The following PCDH15 variants were observed in gnomAD, a reference collection of about 807,000 sequenced individuals.
PCDH15 encodes the protein protocadherin related 15, also known as protocadherin-15.
A neutral mutation model predicts 178.5 loss-of-function variants in PCDH15; 129 were observed. The observed-to-expected ratio is 0.72, with a 90% CI of 0.63 to 0.84. The LOEUF (loss-of-function observed/expected upper bound fraction) is 0.84, where lower values mean the gene tolerates loss of function less well. Among genes scored for constraint, PCDH15 ranks in the 40% least tolerant of loss-of-function variants. PCDH15 has a pLI of 0.00. For synonymous variants in PCDH15, 800 were observed against 732.0 expected (o/e 1.09, Z -1.50); for missense variants, 2,230 against 2,099.9 (o/e 1.06, Z -1.21).
At chr10:55,458,581 A>G (rs1839603852) in intron 2 of PCDH15, among the ~76,000 whole-genome samples, 1 of 152,044 alleles carries the variant, frequency 6.6e-6, no homozygotes, top group African/African-American at 2.4e-5. Flanking sequence ...AATAAATAAG[A>G]AACACCAGTG....
At position 54,020,324 on chromosome 10, in the gene PCDH15, T is replaced by C. The variant is rs150784450; in HGVS notation, c.2619A>G (p.Glu873=). The change falls in exon 20 of 38, where the codon GAA becomes GAG. Residue 873 remains glutamate, a synonymous_variant. Coordinates refer to ENST00000644397, the MANE Select transcript of PCDH15 (RefSeq NM_001384140.1). ...HFFALHPFTG[E]LSLLRSLDYE... ...AATCTAAACTCCTTAAAAGCGATAG[T>C]TCTCCTGTAAATGGATGTAGTGCAA... 1.6e-4 allele frequency: 253 copies of C among 1,613,844 alleles called. No homozygotes were observed. Among genetic ancestry groups the C allele is most frequent in the Non-Finnish European group, 2.0e-4 (241 of 1,179,794 alleles).
intron 3 of PCDH15, among the ~76,000 whole-genome samples, chr10:54,384,192 AG>A (rs1179042457): frequency 2.0e-5 from 3 of 152,052 alleles, no homozygotes; most frequent in Non-Finnish European, 4.4e-5. Context: ...AAGCCAAAAA[AG>A]CCCTGCTTGA....
rs184965921 is a variant in PCDH15, at chr10:54,610,109, G to A, written c.91+54063C>T. ...TGATTGTCACTAACTCTTCCTCTTA[G>A]GGGATGTGAATATAGCTGTTGAGCT... On this transcript the variant is annotated intron_variant, in intron 2 of 37. Transcript: ENST00000644397. Among the ~76,000 whole-genome samples, 6 of 151,984 alleles carry A rather than the reference G, an allele frequency of 3.9e-5. No individual in the cohort carries two copies. The East Asian group carries it at 1.2e-3, about 29-fold the overall frequency.
chr10:55,259,902 C>CAAAAAAAAAAAAAAAAA (rs749939571), intron 1 of PCDH15, among the ~76,000 whole-genome samples: 8 of 52,012 alleles, frequency 1.5e-4, no homozygotes, highest in Non-Finnish European at 2.5e-4. Context: ...AACTCCGTCT[C>CAAAAAAAAAAAAAAAAA]AAAAAAAAAA....
At chr10:54,361,983 T>G (rs1946120030) in intron 5 of PCDH15, among the ~76,000 whole-genome samples, 2 of 152,044 alleles carry the variant, frequency 1.3e-5, no homozygotes, top group Admixed American at 1.3e-4. Context: ...AATTCATTAA[T>G]GCTTCCCTAT....
chr10:53,972,865 T>C (rs182927783), intron 21 of PCDH15, among the ~76,000 whole-genome samples: 89 of 152,254 alleles, frequency 5.8e-4, no homozygotes, highest in African/African-American at 2.0e-3. Context: ...AGTTCAACCA[T>C]TGTGGAAGAC....
chr10:54,256,378 G>C (rs900481271), intron 8 of PCDH15, among the ~76,000 whole-genome samples: 6 of 152,242 alleles, frequency 3.9e-5, no homozygotes, highest in African/African-American at 1.4e-4. Flanking sequence ...ATTTGAGATA[G>C]GTTGTCCTAA....
intron 2 of PCDH15, among the ~76,000 whole-genome samples, chr10:54,993,912 CAA>C (rs1473368407): frequency 2.0e-5 from 3 of 152,090 alleles, no homozygotes; most frequent in African/African-American, 7.2e-5. Context: ...ACAGCAATGA[CAA>C]AAAGTGTTTC....
intron 2 of PCDH15, among the ~76,000 whole-genome samples, chr10:55,456,440 C>A (rs535687971): frequency 4.6e-4 from 70 of 152,048 alleles, no homozygotes; most frequent in African/African-American, 1.5e-3. Context: ...TTCCTTCATG[C>A]ATTCTGTGTT....
chr10:54,921,404 T>C (rs1017690941), intron 2 of PCDH15, among the ~76,000 whole-genome samples: 1 of 152,174 alleles, frequency 6.6e-6, no homozygotes, highest in Non-Finnish European at 1.5e-5. Context: ...CCCAAGGGTT[T>C]GTTGTACAGA....
At chr10:53,971,295 AT>A (rs1376269727) in intron 21 of PCDH15, among the ~76,000 whole-genome samples, 2 of 152,224 alleles carry the variant, frequency 1.3e-5, no homozygotes, top group African/African-American at 4.8e-5. Flanking sequence ...TCTTAAAATA[AT>A]AAGAGTTATT....
At chr10:54,734,308 A>T (rs1943793445) in intron 1 of PCDH15, among the ~76,000 whole-genome samples, 1 of 151,892 alleles carries the variant, frequency 6.6e-6, no homozygotes, top group Admixed American at 6.6e-5. Context: ...AAATGAGAAG[A>T]TGCTCAACAA....
chr10:54,232,657 T>C (rs920257066), intron 9 of PCDH15, among the ~76,000 whole-genome samples: 1 of 152,010 alleles, frequency 6.6e-6, no homozygotes, highest in Non-Finnish European at 1.5e-5. Context: ...ATTTGTCTAG[T>C]TGGCATAAAT....
chr10:55,572,241 C>T (rs1052779734), intron 2 of PCDH15, among the ~76,000 whole-genome samples: 1 of 151,498 alleles, frequency 6.6e-6, no homozygotes, highest in South Asian at 2.1e-4. Flanking sequence ...AAGTAATATT[C>T]ATAAAAGGAC....
At chr10:55,413,605 T>C (rs1838400667) in intron 2 of PCDH15, among the ~76,000 whole-genome samples, 1 of 151,716 alleles carries the variant, frequency 6.6e-6, no homozygotes, top group Non-Finnish European at 1.5e-5. Context: ...AGAGACTCAG[T>C]TATTCAAATA....
At chr10:54,168,517 C>T (rs2046506972) in intron 13 of PCDH15, among the ~76,000 whole-genome samples, 1 of 152,238 alleles carries the variant, frequency 6.6e-6, no homozygotes, top group African/African-American at 2.4e-5. Flanking sequence ...GCCTCCCCTC[C>T]TCACACCTGG....
At chr10:55,591,311 G>A (rs1333760173) in intron 2 of PCDH15, among the ~76,000 whole-genome samples, 2 of 152,064 alleles carry the variant, frequency 1.3e-5, no homozygotes, top group Non-Finnish European at 2.9e-5. Flanking sequence ...GGTGTGCACC[G>A]ATAGCCTAAG....
At chr10:55,272,246 A>C (rs184457908) in intron 1 of PCDH15, among the ~76,000 whole-genome samples, 3 of 151,984 alleles carry the variant, frequency 2.0e-5, no homozygotes, top group Non-Finnish European at 4.4e-5. Flanking sequence ...AAAACAACTA[A>C]GATTTTTTTT....
intron 3 of PCDH15, among the ~76,000 whole-genome samples, chr10:54,413,715 A>G (rs1341314471): frequency 6.6e-6 from 1 of 152,176 alleles, no homozygotes; most frequent in Non-Finnish European, 1.5e-5. Context: ...ATTTAAAAAA[A>G]TGAGAAATTA....
Sources: allele counts gnomAD v4.1 joint callset (sites outside exome capture counted in the v4.1 genomes callset), GRCh38; gene constraint gnomAD v4.1.1; transcripts MANE v1.5; gene names NCBI Gene and HGNC (gene_info 2026-07-23, HGNC 2026-07-21).